Variants in CTNND2 observed in about 807,000 individuals in gnomAD.
CTNND2 encodes the protein catenin delta-2.
A neutral mutation model predicts 144.4 loss-of-function variants in CTNND2; 22 were observed. That is an observed-to-expected ratio of 0.15 (90% CI 0.11 to 0.22). The LOEUF (loss-of-function observed/expected upper bound fraction) is 0.22. Ranked by LOEUF, CTNND2 falls within the 10% of genes least tolerant of loss-of-function variation. CTNND2 has a pLI of 1.00. For missense variants in CTNND2, 1,353 were observed against 1,618.8 expected (o/e 0.84, Z 2.82); for synonymous variants, 751 against 695.6 (o/e 1.08, Z -1.25).
intron 9 of CTNND2, among the ~76,000 whole-genome samples, chr5:11,237,044 G>A (rs1315025054): frequency 1.4e-5 from 2 of 146,444 alleles, no homozygotes; most frequent in Non-Finnish European, 3.0e-5. Context: ...TTTTTAGACA[G>A]AATCTCACTC....
At position 11,645,388 on chromosome 5, in the gene CTNND2, T is replaced by C. The variant is rs2727617; in HGVS notation, c.175-80332A>G. 2.8e-3 allele frequency among the ~76,000 whole-genome samples: 429 copies of C among 152,278 alleles called. 1 individual carries two copies. The highest frequency in any genetic ancestry group is 9.8e-3 in the African/African-American group (406 of 41,568). ...ATAACACAGAATGATATCCCAGAAA[T>C]TGTGCTCATCTTCACAACACTATTT... On this transcript the variant is annotated intron_variant, in intron 2 of 21. Coordinates refer to ENST00000304623, the MANE Select transcript of CTNND2 (RefSeq NM_001332.4).
chr5:11,179,628 T>G (rs1243231085), intron 11 of CTNND2, among the ~76,000 whole-genome samples: 1 of 152,154 alleles, frequency 6.6e-6, no homozygotes, highest in African/African-American at 2.4e-5. Context: ...AGATATGGTT[T>G]TAAAAAATCA....
chr5:11,705,128 G>A (rs1785632922), intron 2 of CTNND2, among the ~76,000 whole-genome samples: 1 of 152,130 alleles, frequency 6.6e-6, no homozygotes, highest in Non-Finnish European at 1.5e-5. Flanking sequence ...CAATGGTGCA[G>A]GCATAAATCA....
intron 2 of CTNND2, among the ~76,000 whole-genome samples, chr5:11,644,499 C>T (rs1371617169): frequency 1.3e-5 from 2 of 151,926 alleles, no homozygotes; most frequent in Non-Finnish European, 2.9e-5. Flanking sequence ...ACAGTGAAAC[C>T]CTGTCTCTAC....
intron 11 of CTNND2, among the ~76,000 whole-genome samples, chr5:11,182,887 TG>T (rs932655239): frequency 1.3e-5 from 2 of 152,216 alleles, no homozygotes; most frequent in Non-Finnish European, 2.9e-5. Flanking sequence ...TACCTAGAGA[TG>T]GTGAGGGAGC....
At chr5:11,524,114 G>A (rs1448370019) in intron 3 of CTNND2, among the ~76,000 whole-genome samples, 1 of 152,132 alleles carries the variant, frequency 6.6e-6, no homozygotes, top group African/African-American at 2.4e-5. Context: ...CAGGAGGTGG[G>A]CTGTGAAGCC....
At chr5:11,070,055 G>A (rs888748268) in intron 16 of CTNND2, among the ~76,000 whole-genome samples, 1 of 152,096 alleles carries the variant, frequency 6.6e-6, no homozygotes, top group Non-Finnish European at 1.5e-5. Context: ...AAAACGTCCG[G>A]CATACAATAA....
At chr5:11,769,148 G>A (rs994727588) in intron 1 of CTNND2, among the ~76,000 whole-genome samples, 1 of 151,962 alleles carries the variant, frequency 6.6e-6, no homozygotes, top group African/African-American at 2.4e-5. Flanking sequence ...ATTCCTTCAG[G>A]GATCCAGTCC....
At chr5:11,044,353 A>G (rs1427887785) in intron 16 of CTNND2, among the ~76,000 whole-genome samples, 1 of 152,166 alleles carries the variant, frequency 6.6e-6, no homozygotes, top group Non-Finnish European at 1.5e-5. Context: ...CTATTATTAC[A>G]CAGTGACTAT....
At chr5:11,754,989 A>G (rs1788853451) in intron 1 of CTNND2, among the ~76,000 whole-genome samples, 1 of 151,710 alleles carries the variant, frequency 6.6e-6, no homozygotes, top group African/African-American at 2.4e-5. Context: ...TCTTGTTATT[A>G]GCTGGTTATT....
At chr5:11,502,686 A>G (rs1306980553) in intron 3 of CTNND2, among the ~76,000 whole-genome samples, 2 of 152,174 alleles carry the variant, frequency 1.3e-5, no homozygotes, top group African/African-American at 4.8e-5. Flanking sequence ...TTGGTACCCC[A>G]GACTATCATC....
At chr5:11,684,346 C>T (rs960705516) in intron 2 of CTNND2, among the ~76,000 whole-genome samples, 1 of 152,126 alleles carries the variant, frequency 6.6e-6, no homozygotes, top group African/African-American at 2.4e-5. Context: ...TCATGATCCA[C>T]CCGCCTCGGC....
intron 2 of CTNND2, among the ~76,000 whole-genome samples, chr5:11,584,727 A>C (rs1778702777): frequency 6.6e-6 from 1 of 152,156 alleles, no homozygotes; most frequent in East Asian, 1.9e-4. Context: ...TTTTCTAGGT[A>C]AGCTAGTATT....
chr5:11,670,697 C>T (rs963847326), intron 2 of CTNND2, among the ~76,000 whole-genome samples: 1 of 152,132 alleles, frequency 6.6e-6, no homozygotes, highest in African/African-American at 2.4e-5. Context: ...CTCCTGAATA[C>T]AGCACACAGA....
At chr5:11,250,498 T>TAC (rs1743483340) in intron 9 of CTNND2, among the ~76,000 whole-genome samples, 1 of 100,060 alleles carries the variant, frequency 1.0e-5, no homozygotes, top group Admixed American at 1.1e-4. Context: ...TCTCTATATA[T>TAC]ATATATATAT....
At chr5:10,974,530 G>T (rs934196367) in intron 21 of CTNND2, among the ~76,000 whole-genome samples, 1 of 152,168 alleles carries the variant, frequency 6.6e-6, no homozygotes, top group Admixed American at 6.5e-5. Flanking sequence ...ATTTGTATCT[G>T]TTCTAGTCCC....
intron 3 of CTNND2, among the ~76,000 whole-genome samples, chr5:11,498,004 C>A (rs1770146700): frequency 6.6e-6 from 1 of 152,088 alleles, no homozygotes; most frequent in African/African-American, 2.4e-5. Flanking sequence ...GGGGCCTGAA[C>A]CCTGTCTGCA....
intron 2 of CTNND2, among the ~76,000 whole-genome samples, chr5:11,662,006 C>T (rs961670822): frequency 1.3e-5 from 2 of 150,900 alleles, no homozygotes; most frequent in African/African-American, 2.4e-5. Flanking sequence ...CACAAACACA[C>T]ACATATATAC....
intron 1 of CTNND2, among the ~76,000 whole-genome samples, chr5:11,855,649 T>C (rs1286708137): frequency 3.3e-5 from 5 of 152,222 alleles, no homozygotes; most frequent in Admixed American, 6.5e-5. Context: ...TTAAGTGTTC[T>C]TGAACTCAGT....
Sources: allele counts gnomAD v4.1 joint callset (sites outside exome capture counted in the v4.1 genomes callset), GRCh38; gene constraint gnomAD v4.1.1; transcripts MANE v1.5; gene names NCBI Gene and HGNC (gene_info 2026-07-23, HGNC 2026-07-21).